KCNIP4: variants seen among roughly 807,000 people sequenced by gnomAD.
KCNIP4 encodes the protein Kv channel-interacting protein 4.
KCNIP4 carries 12 observed loss-of-function variants against 34.0 expected under a neutral mutation model. That is an observed-to-expected ratio of 0.35 (90% CI 0.23 to 0.57). The LOEUF (loss-of-function observed/expected upper bound fraction) is 0.57. KCNIP4 is among the 20% of genes least tolerant of loss of function. The pLI is 0.83. For missense variants in KCNIP4, 238 were observed against 311.7 expected, an observed-to-expected ratio of 0.76 and a Z score of 1.78; for synonymous variants, 124 against 102.2, an observed-to-expected ratio of 1.21 and a Z score of -1.29.
At chr4:20,907,481 T>C (rs978770974) in intron 1 of KCNIP4, among the ~76,000 whole-genome samples, 2 of 152,166 alleles carry the variant, frequency 1.3e-5, no homozygotes, top group African/African-American at 4.8e-5. Flanking sequence ...AAATAATAAA[T>C]ATCAAAACAT....
chr4:21,291,347 T>C (rs1763446046), intron 1 of KCNIP4, among the ~76,000 whole-genome samples: 1 of 128,840 alleles, frequency 7.8e-6, no homozygotes, highest in Admixed American at 9.9e-5. Context: ...CTAGCATATG[T>C]TTATACAAAC....
chr4:20,828,525 AC>A (rs1718044048), intron 3 of KCNIP4, among the ~76,000 whole-genome samples: 1 of 152,216 alleles, frequency 6.6e-6, no homozygotes, highest in Non-Finnish European at 1.5e-5. Flanking sequence ...TAAGTCATGT[AC>A]AGAAGGCTGA....
intron 1 of KCNIP4, among the ~76,000 whole-genome samples, chr4:21,338,756 A>G (rs1716438707): frequency 6.6e-6 from 1 of 152,016 alleles, no homozygotes. Flanking sequence ...TCCTCCAAGC[A>G]CACGTTAATC....
chr4:20,888,476 G>C (rs530519904), intron 1 of KCNIP4, among the ~76,000 whole-genome samples: 1 of 152,270 alleles, frequency 6.6e-6, no homozygotes, highest in African/African-American at 2.4e-5. Context: ...ATAGATAGCT[G>C]TGTGTGAAGG....
chr4:21,233,861 A>G (rs991653165), intron 1 of KCNIP4, among the ~76,000 whole-genome samples: 8 of 94,596 alleles, frequency 8.5e-5, no homozygotes, highest in Admixed American at 1.1e-4. Flanking sequence ...TATAGTCAAT[A>G]TGACTTTGAG....
chr4:21,290,464 G>T (rs1763372385), intron 1 of KCNIP4, among the ~76,000 whole-genome samples: 1 of 152,164 alleles, frequency 6.6e-6, no homozygotes. Flanking sequence ...AATGAAAAAT[G>T]TCACTGTGTG....
chr4:20,747,771 G>T (rs1045175650), intron 5 of KCNIP4, among the ~76,000 whole-genome samples: 1 of 152,166 alleles, frequency 6.6e-6, no homozygotes, highest in African/African-American at 2.4e-5. Flanking sequence ...TGAGCATGGA[G>T]TATGTGTGAG....
intron 1 of KCNIP4, among the ~76,000 whole-genome samples, chr4:21,694,937 T>C (rs58609081): frequency 0.27 from 17,114 of 63,266 alleles, 1,377 homozygotes; most frequent in Non-Finnish European, 0.37. Flanking sequence ...AAAATAAAAA[T>C]AAATAAATAA....
rs1184192234 is a variant in KCNIP4, at chr4:21,028,078, A to T, written c.62-145369T>A. Among the ~76,000 whole-genome samples the T allele has an allele frequency of 2.6e-5, 4 of 152,268 alleles. No homozygotes were observed. In the East Asian group the frequency reaches 7.7e-4, roughly 29 times the overall value. ...CAGTTGATGAAAGTGCCATCCTTTCAGTCATTCAGGCCAATACCACTGGGA... is the reference window on the plus strand; with the variant it reads ...CAGTTGATGAAAGTGCCATCCTTTCTGTCATTCAGGCCAATACCACTGGGA... On this transcript the variant is annotated intron_variant, in intron 1 of 8. Transcript: ENST00000382152.
chr4:21,766,984 C>A (rs1718461004), intron 1 of KCNIP4, among the ~76,000 whole-genome samples: 1 of 151,974 alleles, frequency 6.6e-6, no homozygotes, highest in Admixed American at 6.6e-5. Flanking sequence ...CACAAGGAAA[C>A]AATGATTTGA....
intron 1 of KCNIP4, among the ~76,000 whole-genome samples, chr4:21,721,442 A>C (rs114863191): frequency 0.026 from 4,012 of 152,314 alleles, 156 homozygotes; most frequent in African/African-American, 0.091. Context: ...ACAAGGTATC[A>C]AGTAAAAATG....
intron 1 of KCNIP4, among the ~76,000 whole-genome samples, chr4:21,236,997 C>T (rs1759414338): frequency 6.8e-6 from 1 of 147,640 alleles, no homozygotes; most frequent in South Asian, 2.2e-4. Context: ...CAGAGGGAGA[C>T]TCCATCATGG....
chr4:21,384,227 A>G (rs1721807677), intron 1 of KCNIP4, among the ~76,000 whole-genome samples: 1 of 152,080 alleles, frequency 6.6e-6, no homozygotes, highest in African/African-American at 2.4e-5. Flanking sequence ...TTTATTTTTT[A>G]TGTTAAATAG....
intron 1 of KCNIP4, among the ~76,000 whole-genome samples, chr4:21,734,680 AT>A (rs1321060538): frequency 6.6e-6 from 1 of 152,208 alleles, no homozygotes; most frequent in Non-Finnish European, 1.5e-5. Context: ...TAAAGTGGTT[AT>A]AAATATAAAT....
intron 1 of KCNIP4, among the ~76,000 whole-genome samples, chr4:21,402,567 C>A (rs1009303221): frequency 1.7e-4 from 26 of 152,278 alleles, no homozygotes; most frequent in Admixed American, 1.4e-3. Flanking sequence ...TATTCATAGG[C>A]TAACTCTCTT....
chr4:21,133,022 A>G (rs1350389038), intron 1 of KCNIP4, among the ~76,000 whole-genome samples: 1 of 152,026 alleles, frequency 6.6e-6, no homozygotes, highest in African/African-American at 2.4e-5. Context: ...CAGAAAAAAA[A>G]AAAAAATGTT....
At chr4:21,661,523 G>A (rs919080000) in intron 1 of KCNIP4, among the ~76,000 whole-genome samples, 1 of 152,112 alleles carries the variant, frequency 6.6e-6, no homozygotes, top group Non-Finnish European at 1.5e-5. Flanking sequence ...CCACATCCAC[G>A]TCACAAGTCC....
At chr4:21,747,862 A>G (rs949161571) in intron 1 of KCNIP4, among the ~76,000 whole-genome samples, 1 of 152,144 alleles carries the variant, frequency 6.6e-6, no homozygotes, top group Non-Finnish European at 1.5e-5. Context: ...GGATTAGGGT[A>G]GGCTCTAAAT....
At chr4:21,640,283 A>T (rs899400978) in intron 1 of KCNIP4, among the ~76,000 whole-genome samples, 3 of 151,822 alleles carry the variant, frequency 2.0e-5, no homozygotes, top group Non-Finnish European at 2.9e-5. Flanking sequence ...GGATTCAATT[A>T]CTCCCATTAC....
Sources: allele counts gnomAD v4.1 joint callset (sites outside exome capture counted in the v4.1 genomes callset), GRCh38; gene constraint gnomAD v4.1.1; transcripts MANE v1.5; gene names NCBI Gene and HGNC (gene_info 2026-07-23, HGNC 2026-07-21).